Variants in MYO3B observed in about 807,000 individuals in gnomAD.
MYO3B encodes the protein myosin-IIIb.
MYO3B carries 156 observed loss-of-function variants against 174.6 expected under a neutral mutation model. The ratio of observed to expected loss-of-function variants is 0.89; its 90% CI spans 0.78 to 1.02. The LOEUF (loss-of-function observed/expected upper bound fraction) is 1.02, where lower values mean the gene tolerates loss of function less well. Among genes scored for constraint, MYO3B ranks in the 50% least tolerant of loss-of-function variants. The pLI is 0.00. For synonymous variants in MYO3B, 563 were observed against 569.1 expected, an observed-to-expected ratio of 0.99 and a Z score of 0.15; for missense variants, 1,632 against 1,639.4, an observed-to-expected ratio of 1.00 and a Z score of 0.08.
In MYO3B at chr2:170,654,772, TA is replaced by T. The variant is rs1221627224; in HGVS notation, c.*1652del. On this transcript the variant is annotated 3_prime_UTR_variant, in exon 35 of 35. Transcript: ENST00000408978. Reference sequence around the variant, plus strand: ...AAAGGGAGCACATTAATAGGCCTTTTATGAAGATAAATAATGAAATGAGGTA... The same window carrying T: ...AAAGGGAGCACATTAATAGGCCTTTTTGAAGATAAATAATGAAATGAGGTA... 6.6e-6 allele frequency: 1 copy of T among 151,992 alleles called. No homozygotes were observed. The highest frequency in any genetic ancestry group is 1.5e-5 in the Non-Finnish European group (1 of 67,980). 9.4% of individuals were successfully genotyped at this position (151,992 alleles called of 1,614,324 possible).
At chr2:170,590,097 C>A (rs1421351415) in intron 32 of MYO3B, among the ~76,000 whole-genome samples, 1 of 152,158 alleles carries the variant, frequency 6.6e-6, no homozygotes, top group Non-Finnish European at 1.5e-5. Context: ...GAAGTTTACA[C>A]AATAACAAAA....
intron 7 of MYO3B, among the ~76,000 whole-genome samples, chr2:170,248,931 C>T (rs1447318956): frequency 2.0e-5 from 3 of 152,196 alleles, no homozygotes; most frequent in East Asian, 1.9e-4. Flanking sequence ...TTTTTAGAAA[C>T]CTTCAAGAGC....
At chr2:170,252,625 A>G (rs559414734) in intron 7 of MYO3B, among the ~76,000 whole-genome samples, 2 of 152,318 alleles carry the variant, frequency 1.3e-5, no homozygotes, top group South Asian at 4.1e-4. Flanking sequence ...CTAGAGGGGG[A>G]AAGAAATAAT....
intron 7 of MYO3B, among the ~76,000 whole-genome samples, chr2:170,278,544 T>C (rs2093480390): frequency 6.6e-6 from 1 of 152,148 alleles, no homozygotes; most frequent in African/African-American, 2.4e-5. Flanking sequence ...GCATAGAATG[T>C]CTAGTGATCA....
intron 32 of MYO3B, among the ~76,000 whole-genome samples, chr2:170,556,559 T>C (rs1310672044): frequency 6.6e-6 from 1 of 152,128 alleles, no homozygotes; most frequent in Admixed American, 6.5e-5. Context: ...TTAGCTCTTG[T>C]TGCCCAAGCT....
intron 32 of MYO3B, among the ~76,000 whole-genome samples, chr2:170,567,196 G>T (rs1692124744): frequency 6.6e-6 from 1 of 152,176 alleles, no homozygotes; most frequent in Admixed American, 6.5e-5. Context: ...AGAGGAAGAA[G>T]AGGAGCTGAT....
chr2:170,615,773 AG>A (rs1695426424), intron 32 of MYO3B, among the ~76,000 whole-genome samples: 1 of 152,156 alleles, frequency 6.6e-6, no homozygotes, highest in Admixed American at 6.5e-5. Context: ...AGCTGGGTCC[AG>A]GGGGTTCACT....
At chr2:170,574,035 G>A (rs952634390) in intron 32 of MYO3B, among the ~76,000 whole-genome samples, 2 of 152,116 alleles carry the variant, frequency 1.3e-5, no homozygotes, top group African/African-American at 4.8e-5. Context: ...AAAGCAAAAT[G>A]ACTTGCAGCA....
At chr2:170,213,468 G>C (rs1333805948) in intron 3 of MYO3B, among the ~76,000 whole-genome samples, 1 of 152,204 alleles carries the variant, frequency 6.6e-6, no homozygotes, top group African/African-American at 2.4e-5. Context: ...GGAATCTATA[G>C]ATAACATATC....
chr2:170,180,664 T>C (rs1204334148), intron 1 of MYO3B, among the ~76,000 whole-genome samples: 1 of 152,196 alleles, frequency 6.6e-6, no homozygotes, highest in Non-Finnish European at 1.5e-5. Flanking sequence ...GTAATAATTT[T>C]AAAAAGCATA....
chr2:170,556,512 A>G (rs1270441900), intron 32 of MYO3B, among the ~76,000 whole-genome samples: 1 of 149,716 alleles, frequency 6.7e-6, no homozygotes, highest in African/African-American at 2.5e-5. Context: ...GGTCGTCAGT[A>G]TCTTGGATTT....
intron 13 of MYO3B, among the ~76,000 whole-genome samples, 169 bp from the exon 14 acceptor site, chr2:170,386,937 G>A (rs2094380130): frequency 6.6e-6 from 1 of 152,224 alleles, no homozygotes; most frequent in South Asian, 2.1e-4. Context: ...GCAGATCTGG[G>A]GAGTTGCTCA....
chr2:170,420,994 G>C (rs1309397611), intron 22 of MYO3B, among the ~76,000 whole-genome samples: 1 of 152,112 alleles, frequency 6.6e-6, no homozygotes, highest in Non-Finnish European at 1.5e-5. Flanking sequence ...GGTACCACTA[G>C]AATGTAAATT....
chr2:170,399,276 C>CAAAAA (rs2094460457), intron 16 of MYO3B, among the ~76,000 whole-genome samples: 1 of 106,284 alleles, frequency 9.4e-6, no homozygotes, highest in Non-Finnish European at 2.2e-5. Flanking sequence ...AGAGAGAGAC[C>CAAAAA]AGTCTGGCCA....
At chr2:170,502,625 C>T (rs1328620724) in intron 28 of MYO3B, among the ~76,000 whole-genome samples, 3 of 152,074 alleles carry the variant, frequency 2.0e-5, no homozygotes, top group African/African-American at 4.8e-5. Context: ...GGCTGGGCTC[C>T]TTCCCTCATT....
chr2:170,498,792 G>A, intron 26 of MYO3B, 89 bp downstream of exon 26: 1 of 817,004 alleles, frequency 1.2e-6, no homozygotes, highest in Non-Finnish European at 2.0e-6. Flanking sequence ...TCTGTAAGTT[G>A]TGTAGCTTAG....
Position 170,452,782 on chromosome 2 carries a change from A to C in MYO3B, c.2730+8736A>C, listed in dbSNP as rs572644939. Among the ~76,000 whole-genome samples the C allele has an allele frequency of 2.0e-5, 3 of 152,334 alleles. No homozygotes were observed. The South Asian group carries it at 6.2e-4, about 32-fold the overall frequency. Reference sequence around the variant, plus strand: ...ACCCAAAGATAATTGAGAGAAATAAAAAATTAAGACAGGAAATCAGAAGCC... The same window carrying C: ...ACCCAAAGATAATTGAGAGAAATAACAAATTAAGACAGGAAATCAGAAGCC... On this transcript the variant is annotated intron_variant, in intron 23 of 34. Coordinates refer to ENST00000408978, the MANE Select transcript of MYO3B (RefSeq NM_138995.5).
chr2:170,424,365 T>C (rs953318105), intron 22 of MYO3B, among the ~76,000 whole-genome samples: 1 of 152,168 alleles, frequency 6.6e-6, no homozygotes, highest in African/African-American at 2.4e-5. Flanking sequence ...ACGCCTATAA[T>C]CCCAGCACTT....
chr2:170,510,482 C>A (rs949963993), intron 28 of MYO3B, among the ~76,000 whole-genome samples: 1 of 152,150 alleles, frequency 6.6e-6, no homozygotes, highest in South Asian at 2.1e-4. Context: ...TATGAAAGCA[C>A]CTGAAACTTT....
Sources: allele counts gnomAD v4.1 joint callset (sites outside exome capture counted in the v4.1 genomes callset), GRCh38; gene constraint gnomAD v4.1.1; transcripts MANE v1.5; gene names NCBI Gene and HGNC (gene_info 2026-07-23, HGNC 2026-07-21).